The following IFT172 variants were observed in gnomAD, a reference collection of about 807,000 sequenced individuals.
The protein encoded by IFT172 is intraflagellar transport protein 172 homolog.
IFT172 carries 164 observed loss-of-function variants against 248.9 expected under a neutral mutation model. The observed-to-expected ratio is 0.66, with a 90% CI of 0.58 to 0.75. The LOEUF (loss-of-function observed/expected upper bound fraction) is 0.75, where lower values mean the gene tolerates loss of function less well. IFT172 is among the 30% of genes least tolerant of loss of function. IFT172 has a pLI of 0.00. For missense variants in IFT172, 1,950 were observed against 2,192.4 expected (o/e 0.89, Z 2.21); for synonymous variants, 729 against 791.6 (o/e 0.92, Z 1.33).
chr2:27,451,785 T>C (rs1000728626), intron 35 of IFT172, among the ~76,000 whole-genome samples: 45 of 151,296 alleles, frequency 3.0e-4, no homozygotes, highest in East Asian at 3.9e-4. Flanking sequence ...ACAAACAAAA[T>C]AAACAAACAA....
chr2:27,454,300 A>C lies in IFT172; in HGVS notation c.3530+54T>G. ...ATGAAGGTCAAGATAATCATGAAAG[A>C]TCCTGGGACGGTGACTGGGGAAACA... is the stretch of plus-strand genomic sequence containing the variant. On this transcript the variant is annotated intron_variant, in intron 32 of 47. Coordinates refer to ENST00000260570, the MANE Select transcript of IFT172 (RefSeq NM_015662.3). This position sits in a 1 kb window ranked among gnomAD's most constrained non-coding sequence, Gnocchi z 4.2. The C allele has an allele frequency of 1.2e-6, 2 of 1,611,468 alleles. No homozygotes were observed. Among genetic ancestry groups the C allele is most frequent in the South Asian group, 2.2e-5 (2 of 91,042 alleles).
At position 27,478,063 on chromosome 2, in the gene IFT172, G is replaced by T. The variant is rs755816980; in HGVS notation, c.1099C>A (p.Arg367Ser). Reference sequence around the variant, plus strand: ...TCTGATGTGTGAGCCACCAAGTAACGTTCCTTTCCTAGGATTTTCACCTCT... The same window carrying T: ...TCTGATGTGTGAGCCACCAAGTAACTTTCCTTTCCTAGGATTTTCACCTCT... ...VEEVKILGKE[R>S]YLVAHTSETL... The change falls in exon 11 of 48, where the codon CGT (arginine) becomes AGT (serine). Residue 367 changes from arginine (R) to serine (S), a missense_variant. This residue lies in a region of IFT172 where 1,166 missense variants were observed against 1,254.1 expected (regional missense o/e 0.93). Transcript: ENST00000260570. 1 of 1,614,126 alleles carries T rather than the reference G, an allele frequency of 6.2e-7. No homozygotes were observed.
At position 27,462,713 on chromosome 2, in the gene IFT172, G is replaced by T. The variant is rs138604630; in HGVS notation, c.2103C>A (p.Ile701=). 1.8e-4 allele frequency: 294 copies of T among 1,613,352 alleles called. No individual in the cohort carries two copies. The highest frequency in any genetic ancestry group is 2.3e-4 in the Non-Finnish European group (276 of 1,179,724). ...LEKNYKLAEM[I]FLEQNAVEEA... is the part of the protein sequence containing the mutation. ...CTTTTCCTATTACCTGTTCCAAAAA[G>T]ATCATTTCAGCCAGTTTGTAGTTCT... The change falls in exon 20 of 48, where the codon ATC becomes ATA. Residue 701 remains isoleucine (I), a synonymous_variant. Transcript: ENST00000260570.
Position 27,463,112 on chromosome 2 carries a change from T to G in IFT172, c.2007A>C (p.Gln669His). Residue 669 changes from glutamine to histidine, a missense_variant, in exon 19 of 48, where the codon CAA (glutamine) becomes CAC (histidine). Gln to His is a conservative substitution (Grantham distance 24, BLOSUM62 0). This residue lies in a region of IFT172 where 1,166 missense variants were observed against 1,254.1 expected (regional missense o/e 0.93). Transcript: ENST00000260570. ...TAATACTTGCATATTCCCGGGATAC[T>G]TGATCTGCAATCTCATTGGTCTCAT... ...FLHETNEIAD[Q>H]VSREYGGEGT... 6.2e-7 allele frequency: 1 copy of G among 1,614,146 alleles called. No homozygotes were observed. Among genetic ancestry groups the G allele is most frequent in the Non-Finnish European group, 8.5e-7 (1 of 1,180,000 alleles).
At position 27,471,110 on chromosome 2, in the gene IFT172, G is replaced by A; in HGVS notation, c.1525-15C>T. 1.2e-6 allele frequency: 2 copies of A among 1,604,626 alleles called. No individual in the cohort carries two copies. The highest frequency in any genetic ancestry group is 8.5e-7 in the Non-Finnish European group (1 of 1,177,728). ...TACAGATGCAACTGAAGAAAGAAAA[G>A]GCAGGTAACACAATTACAAGGGGAT... On this transcript the variant is annotated splice_polypyrimidine_tract_variant and intron_variant, in intron 15 of 47. Transcript: ENST00000260570.
intron 1 of IFT172, among the ~76,000 whole-genome samples, chr2:27,487,587 T>A (rs1668859094): frequency 6.6e-6 from 1 of 152,186 alleles, no homozygotes; most frequent in African/African-American, 2.4e-5. Flanking sequence ...GACCATGATT[T>A]ATTTATTTAA....
rs190366845 is a variant in IFT172 at position 27,463,150 on chromosome 2, C to G, written c.1969G>C (p.Ala657Pro). 1 of 1,614,148 alleles carries G rather than the reference C, an allele frequency of 6.2e-7. No homozygotes were observed. Among genetic ancestry groups the G allele is most frequent in the Admixed American group, 1.7e-5 (1 of 60,008 alleles). The part of the protein sequence containing the change: ...CFSALGQVAK[A>P]RFLHETNEIA... ...TCATTGGTCTCATGCAGGAATCGAG[C>G]TTTTGCTACTTGGCCCAAAGCAGAA... is the stretch of plus-strand genomic sequence containing the variant. Residue 657 changes from alanine to proline, a missense_variant, in exon 19 of 48, where the codon GCT becomes CCT. Ala to Pro is a conservative substitution (Grantham distance 27). Transcript: ENST00000260570.
rs747436721 is a variant in IFT172, at chr2:27,489,678, T to C, written c.-25A>G. On this transcript the variant is annotated 5_prime_UTR_variant, in exon 1 of 48. Transcript: ENST00000260570. Reference sequence around the variant, plus strand: ...TGACGCACACCTGTCTTTCAGATGCTCCTAGACAGCGACAACTCCCGTGGT... The same window carrying C: ...TGACGCACACCTGTCTTTCAGATGCCCCTAGACAGCGACAACTCCCGTGGT... The C allele has an allele frequency of 1.9e-6, 3 of 1,597,782 alleles. No individual in the cohort carries two copies. Among genetic ancestry groups the C allele is most frequent in the Admixed American group, 3.4e-5 (2 of 58,640 alleles).
intron 4 of IFT172, 103 bp from the exon 5 acceptor site, chr2:27,484,040 T>C (rs541160423): frequency 3.9e-6 from 5 of 1,282,544 alleles, no homozygotes; most frequent in Admixed American, 3.6e-5. Flanking sequence ...CAATCTCCTA[T>C]AGGGAAGGAC....
chr2:27,453,499 A>G lies in IFT172; in HGVS notation c.3836T>C (p.Phe1279Ser), dbSNP rs1303152998. ...CTCCCAGTGTCGAGCTTGTTCCACAAATCCCTCCACACCCCTGTGGAGATG... is the reference window on the plus strand; with the variant it reads ...CTCCCAGTGTCGAGCTTGTTCCACAGATCCCTCCACACCCCTGTGGAGATG... ...TKKGARGVEG[F>S]VEQARHWEQA... The change falls in exon 35 of 48, where the codon TTT becomes TCT. Residue 1279 changes from phenylalanine to serine, a missense_variant. Coordinates refer to ENST00000260570, the MANE Select transcript of IFT172 (RefSeq NM_015662.3). 26 of 1,614,130 alleles carry G rather than the reference A, an allele frequency of 1.6e-5. No homozygotes were observed. Among genetic ancestry groups the G allele is most frequent in the Non-Finnish European group, 2.0e-5 (24 of 1,179,994 alleles).
chr2:27,447,658 C>T (rs1665267424), intron 41 of IFT172, 24 bp from the exon 42 acceptor site: 1 of 1,613,874 alleles, frequency 6.2e-7, no homozygotes. Context: ...ACAGCACAGC[C>T]TGGCTCAGGG....
rs1467530910 is a variant in IFT172, at chr2:27,465,382, G to A, written c.1937+29C>T. ...ATGTGATTATCCCTCCTAGCTGCGT[G>A]GCACCTCTGTTCTACATGTCTACCT... On this transcript the variant is annotated intron_variant, in intron 18 of 47. Transcript: ENST00000260570. 1.9e-6 allele frequency: 3 copies of A among 1,569,312 alleles called. No homozygotes were observed. In the Admixed American group the frequency reaches 5.0e-5, roughly 26 times the overall value.
Position 27,449,325 on chromosome 2 carries a change from C to T in IFT172, c.4280G>A (p.Trp1427Ter), listed in dbSNP as rs1665443225. 6.2e-7 allele frequency: 1 copy of T among 1,614,018 alleles called. No homozygotes were observed. Among genetic ancestry groups the T allele is most frequent in the South Asian group, 1.1e-5 (1 of 91,084 alleles). ...ALDLYVEQGQ[W>*]DKCIETATKQ... ...GGTAGCTGTTTCAATGCACTTGTCC[C>T]ACTGGCCCTGCTCCACATACAGGTC... The change falls in exon 39 of 48, where the codon TGG (tryptophan) becomes TAG (stop). Residue 1427 changes from tryptophan to a stop codon, truncating the protein, a stop_gained. Coordinates refer to ENST00000260570, the MANE Select transcript of IFT172 (RefSeq NM_015662.3). LOFTEE classifies it high-confidence loss of function.
At position 27,465,730 on chromosome 2, in the gene IFT172, T is replaced by C. The variant is rs1167247155; in HGVS notation, c.1829+16A>G. The stretch of plus-strand genomic sequence containing the variant: ...GACTCTCCCACCACCTCACTGGTTA[T>C]TGGCCAGCCTCTCACCGGATGTAGT... On this transcript the variant is annotated intron_variant, in intron 17 of 47. Transcript: ENST00000260570. 6.2e-7 allele frequency: 1 copy of C among 1,613,976 alleles called. No individual in the cohort carries two copies. Among genetic ancestry groups the C allele is most frequent in the Non-Finnish European group, 8.5e-7 (1 of 1,180,020 alleles).
At chr2:27,458,353 C>A in intron 26 of IFT172, 130 bp from the exon 27 acceptor site, 2 of 737,394 alleles carry the variant, frequency 2.7e-6, no homozygotes, top group East Asian at 2.5e-5. Context: ...TGCCACTCTA[C>A]TAGTGAGGTT....
intron 20 of IFT172, 136 bp from the exon 21 acceptor site, chr2:27,461,972 C>A: frequency 1.3e-6 from 1 of 794,974 alleles, no homozygotes; most frequent in South Asian, 1.7e-5. Flanking sequence ...AACAGAAATA[C>A]TGGGAAACTA....
intron 9 of IFT172, 58 bp downstream of exon 9, chr2:27,479,968 G>A: frequency 6.3e-7 from 1 of 1,581,294 alleles, no homozygotes; most frequent in Non-Finnish European, 8.6e-7. Flanking sequence ...GATAAGGCAG[G>A]ATTTTTTTCT....
At chr2:27,481,014 A>G (rs371455619) in intron 8 of IFT172, 32 bp downstream of exon 8, 4 of 1,537,688 alleles carry the variant, frequency 2.6e-6, no homozygotes, top group African/African-American at 2.7e-5. Context: ...CAGGGAAAGT[A>G]GGCAGTAGAT....
At position 27,448,909 on chromosome 2, in the gene IFT172, T is replaced by C; in HGVS notation, c.4428+6A>G. On this transcript the variant is annotated splice_donor_region_variant and intron_variant, in intron 40 of 47. Transcript: ENST00000260570. Reference sequence around the variant, plus strand: ...GAAACATTCAACCCAAGGAGAAGGCTGGTACCTGTGGGTTAGCAGGGGCTC... The same window carrying C: ...GAAACATTCAACCCAAGGAGAAGGCCGGTACCTGTGGGTTAGCAGGGGCTC... 2 of 1,360,790 alleles carry C rather than the reference T, an allele frequency of 1.5e-6. No homozygotes were observed. Among genetic ancestry groups the C allele is most frequent in the South Asian group, 2.3e-5 (2 of 86,274 alleles). The allele number at this position is 1,360,790 out of a possible 1,614,324, so 84.3% of individuals were successfully genotyped here. A position where few individuals can be genotyped will look rare whatever the true frequency, so the allele number is the denominator to read the frequency against.
Sources: allele counts gnomAD v4.1 joint callset (sites outside exome capture counted in the v4.1 genomes callset), GRCh38; gene constraint gnomAD v4.1.1; regional missense constraint gnomAD v4.1.1; non-coding constraint Gnocchi (gnomAD v3.1); transcripts MANE v1.5; gene names NCBI Gene and HGNC (gene_info 2026-07-23, HGNC 2026-07-21).